The following CCSER1 variants were observed in gnomAD, a reference collection of about 807,000 sequenced individuals.
CCSER1 encodes the protein coiled-coil serine rich protein 1, also known as serine-rich coiled-coil domain-containing protein 1.
A neutral mutation model predicts 82.0 loss-of-function variants in CCSER1; 41 were observed. That is an observed-to-expected ratio of 0.50 (90% CI 0.39 to 0.65). The LOEUF (loss-of-function observed/expected upper bound fraction) is 0.65, where lower values mean the gene tolerates loss of function less well. Ranked by LOEUF, CCSER1 falls within the 30% of genes least tolerant of loss-of-function variation. The pLI, the probability that CCSER1 is intolerant of heterozygous loss-of-function variation, is 0.00. For missense variants in CCSER1, 1,119 were observed against 1,064.2 expected (o/e 1.05, Z -0.72); for synonymous variants, 414 against 383.9 (o/e 1.08, Z -0.92).
intron 3 of CCSER1, among the ~76,000 whole-genome samples, chr4:90,371,548 A>AT (rs1052756040): frequency 6.6e-6 from 1 of 151,962 alleles, no homozygotes; most frequent in Non-Finnish European, 1.5e-5. Context: ...AAGCCAAAGA[A>AT]AAAAAACAGT....
At chr4:91,353,293 A>G (rs1398842546) in intron 10 of CCSER1, among the ~76,000 whole-genome samples, 2 of 132,368 alleles carry the variant, frequency 1.5e-5, no homozygotes, top group African/African-American at 5.2e-5. Flanking sequence ...AAGGGTCGTG[A>G]TTGATTTGGG....
intron 8 of CCSER1, among the ~76,000 whole-genome samples, chr4:90,816,537 C>T (rs1352191813): frequency 6.6e-6 from 1 of 151,666 alleles, no homozygotes; most frequent in African/African-American, 2.4e-5. Context: ...ATAAAATGTG[C>T]ACTCAATATA....
At position 90,932,937 on chromosome 4, in the gene CCSER1, A is replaced by AG. The variant is rs1491217694; in HGVS notation, c.2172+9491dup. 3.7e-3 allele frequency among the ~76,000 whole-genome samples: 124 copies of AG among 33,864 alleles called. 21 individuals are homozygous for AG. The highest frequency in any genetic ancestry group is 0.032 in the African/African-American group (121 of 3,742). 22.2% of individuals were successfully genotyped at this position (33,864 alleles called of 152,430 possible). A position where few individuals can be genotyped will look rare whatever the true frequency, so the allele number is the denominator to read the frequency against. On this transcript the variant is annotated intron_variant, in intron 9 of 10. Transcript: ENST00000509176. The stretch of plus-strand genomic sequence containing the variant: ...AAGAAAGAAAGAAAGAAAGAAAGAA[A>AG]GAAAGAAAGAAAGAAAGAAAGAAAG...
intron 7 of CCSER1, among the ~76,000 whole-genome samples, chr4:90,782,435 G>A (rs920658994): frequency 6.6e-6 from 1 of 151,994 alleles, no homozygotes; most frequent in Admixed American, 6.5e-5. Flanking sequence ...AGATCTTATC[G>A]TTAATAGGGA....
At chr4:90,578,037 C>T (rs983854840) in intron 5 of CCSER1, among the ~76,000 whole-genome samples, 9 of 152,062 alleles carry the variant, frequency 5.9e-5, no homozygotes, top group South Asian at 2.1e-4. Flanking sequence ...GTATGTCAAA[C>T]GTGGGTTAGA....
rs372304488 is a variant in CCSER1 at position 90,309,411 on chromosome 4, A to G, written c.1127A>G (p.Asn376Ser). Residue 376 changes from asparagine to serine, a missense_variant, in exon 2 of 11, where the codon AAT becomes AGT. Coordinates refer to ENST00000509176, the MANE Select transcript of CCSER1 (RefSeq NM_001145065.2). ...NLPADSEREE[N>S]IGLQNGETML... Reference sequence around the variant, plus strand: ...CCAGCAGATAGTGAAAGAGAAGAAAATATAGGGTTACAAAATGGTGAAACA... The same window carrying G: ...CCAGCAGATAGTGAAAGAGAAGAAAGTATAGGGTTACAAAATGGTGAAACA... The G allele has an allele frequency of 1.9e-5, 31 of 1,613,702 alleles. No homozygotes were observed. The highest frequency in any genetic ancestry group is 1.3e-4 in the Admixed American group (8 of 59,964).
intron 9 of CCSER1, among the ~76,000 whole-genome samples, chr4:90,926,456 C>A (rs1205344917): frequency 6.6e-6 from 1 of 151,888 alleles, no homozygotes; most frequent in African/African-American, 2.4e-5. Context: ...GGGAAAATAG[C>A]TGTTGCTACA....
At chr4:90,493,702 G>T (rs990996223) in intron 5 of CCSER1, among the ~76,000 whole-genome samples, 3 of 152,240 alleles carry the variant, frequency 2.0e-5, no homozygotes, top group Non-Finnish European at 4.4e-5. Context: ...ATCCTTTACA[G>T]ACAAGCAAAT....
At chr4:90,575,852 T>C (rs1158613064) in intron 5 of CCSER1, among the ~76,000 whole-genome samples, 1 of 152,212 alleles carries the variant, frequency 6.6e-6, no homozygotes. Flanking sequence ...GATAACATTC[T>C]GATTCCCTTT....
chr4:90,655,643 T>C (rs185633378), intron 6 of CCSER1, among the ~76,000 whole-genome samples: 1 of 152,084 alleles, frequency 6.6e-6, no homozygotes, highest in Non-Finnish European at 1.5e-5. Flanking sequence ...TCTTTCCTTA[T>C]AGTTTTCAAT....
chr4:90,855,005 G>A (rs1308691612), intron 8 of CCSER1, among the ~76,000 whole-genome samples: 2 of 151,962 alleles, frequency 1.3e-5, no homozygotes, highest in African/African-American at 4.8e-5. Context: ...GTGTGTGTGC[G>A]AGAGAGCAAA....
At chr4:90,625,529 A>T (rs1723100587) in intron 5 of CCSER1, among the ~76,000 whole-genome samples, 1 of 152,130 alleles carries the variant, frequency 6.6e-6, no homozygotes, top group South Asian at 2.1e-4. Context: ...CTTGTAGCAG[A>T]TCTATTTTTT....
At chr4:90,922,314 G>T (rs1167789953) in intron 8 of CCSER1, among the ~76,000 whole-genome samples, 3 of 151,952 alleles carry the variant, frequency 2.0e-5, no homozygotes, top group Non-Finnish European at 4.4e-5. Context: ...GAAGAGGGAA[G>T]GGGAAGGAAC....
At chr4:91,542,749 G>T (rs1473074616) in intron 10 of CCSER1, among the ~76,000 whole-genome samples, 1 of 152,198 alleles carries the variant, frequency 6.6e-6, no homozygotes, top group Non-Finnish European at 1.5e-5. Context: ...GAATAAGTGT[G>T]ATGTGGTGCT....
At chr4:91,438,995 CTA>C (rs1402757732) in intron 10 of CCSER1, among the ~76,000 whole-genome samples, 4 of 152,164 alleles carry the variant, frequency 2.6e-5, no homozygotes, top group Non-Finnish European at 4.4e-5. Context: ...AGGACCAAAC[CTA>C]TGTCTCATTG....
At chr4:90,818,549 T>C (rs544485590) in intron 8 of CCSER1, among the ~76,000 whole-genome samples, 1 of 152,366 alleles carries the variant, frequency 6.6e-6, no homozygotes, top group South Asian at 2.1e-4. Context: ...AGTGCTGGGA[T>C]TACAGATGTG....
intron 10 of CCSER1, among the ~76,000 whole-genome samples, chr4:91,252,005 TAAG>T (rs1740295206): frequency 1.3e-5 from 2 of 152,108 alleles, no homozygotes; most frequent in African/African-American, 4.8e-5. Flanking sequence ...AAACTACAAG[TAAG>T]AAGAACTCAA....
At chr4:90,526,384 G>A (rs1773761622) in intron 5 of CCSER1, among the ~76,000 whole-genome samples, 1 of 151,944 alleles carries the variant, frequency 6.6e-6, no homozygotes, top group South Asian at 2.1e-4. Context: ...TTTCTCAATT[G>A]TAGCTAACAT....
At chr4:91,548,761 C>T (rs1281349941) in intron 10 of CCSER1, among the ~76,000 whole-genome samples, 2 of 151,716 alleles carry the variant, frequency 1.3e-5, no homozygotes, top group Admixed American at 1.3e-4. Context: ...AAAGTGTCTC[C>T]CCCACACCAT....
Sources: gnomAD v4.1 joint callset for allele counts (sites outside exome capture counted in the v4.1 genomes callset) on GRCh38, gnomAD v4.1.1 for gene constraint, MANE v1.5 for transcripts, NCBI Gene and HGNC (gene_info 2026-07-23, HGNC 2026-07-21) for gene names.